The following FBXO27 variants were observed in gnomAD, a reference collection of about 807,000 sequenced individuals.
FBXO27 encodes the protein F-box only protein 27.
Under a neutral mutation model 28.3 loss-of-function variants are expected in FBXO27, and 28 were observed. That is an observed-to-expected ratio of 0.99 (90% CI 0.73 to 1.36). The LOEUF (loss-of-function observed/expected upper bound fraction) is 1.36. FBXO27 is among the 40% of genes most tolerant of loss of function. The pLI is 0.00. For synonymous variants in FBXO27, 175 were observed against 167.3 expected (o/e 1.05, Z -0.36); for missense variants, 388 against 394.1 (o/e 0.98, Z 0.13).
Position 39,026,914 on chromosome 19 carries a change from C to G in FBXO27, c.664G>C (p.Val222Leu). The change falls in exon 5 of 6, where the codon GTG becomes CTG. Residue 222 changes from valine (V) to leucine (L), a missense_variant. Transcript: ENST00000292853. ...NQTVLDKFSA[V>L]PDPIPQWNNN... ...TTCCACTGCGGGATGGGATCAGGCA[C>G]AGCAGAGAATTTATCTAGAACAGTC... 3 of 1,614,224 alleles carry G rather than the reference C, an allele frequency of 1.9e-6. No homozygotes were observed. Among genetic ancestry groups the G allele is most frequent in the Non-Finnish European group, 2.5e-6 (3 of 1,180,048 alleles).
chr19:39,011,720 C>T (rs1415070529), intron 2 of FBXO27, among the ~76,000 whole-genome samples: 3 of 151,082 alleles, frequency 2.0e-5, no homozygotes, highest in East Asian at 3.9e-4. Flanking sequence ...CCCTTTGTTG[C>T]CCCGGCTGGT....
intron 5 of FBXO27, among the ~76,000 whole-genome samples, chr19:39,026,026 A>G (rs1377560035): frequency 1.3e-5 from 2 of 152,092 alleles, no homozygotes; most frequent in African/African-American, 4.8e-5. Flanking sequence ...TCAAAAAAAA[A>G]AGAAGTAGAA....
At chr19:39,011,929 C>T (rs1010948270) in intron 2 of FBXO27, among the ~76,000 whole-genome samples, 8 of 149,936 alleles carry the variant, frequency 5.3e-5, no homozygotes, top group East Asian at 2.0e-4. Flanking sequence ...CCCGGGTTCA[C>T]GCCATTCTCC....
chr19:39,030,805 G>C (rs1482107812), intron 4 of FBXO27: 1 of 567,632 alleles, frequency 1.8e-6, no homozygotes, highest in Non-Finnish European at 3.1e-6. Flanking sequence ...ACGAGGTTTT[G>C]CCATGCTGGT....
intron 2 of FBXO27, among the ~76,000 whole-genome samples, chr19:39,013,624 C>T (rs369193845): frequency 1.1e-4 from 16 of 149,564 alleles, no homozygotes; most frequent in African/African-American, 3.2e-4. Flanking sequence ...AAGGAGACTC[C>T]GTCTAAAAAA....
Position 39,032,097 on chromosome 19 carries a change from C to G in FBXO27, c.131G>C (p.Arg44Pro). Residue 44 changes from arginine to proline, a missense_variant, in exon 2 of 6, where the codon CGC (arginine) becomes CCC (proline). Transcript: ENST00000292853. The surrounding 1 kb of genome is among the most constrained non-coding windows in gnomAD (Gnocchi z 4.7). ...LLVVLSHVPP[R>P]TLLGRCRQVC... Reference sequence around the variant, plus strand: ...TTGGCGGCAGCGCCCGAGCAGCGTGCGCGGGGGGACGTGGCTCAGCACCAC... The same window carrying G: ...TTGGCGGCAGCGCCCGAGCAGCGTGGGCGGGGGGACGTGGCTCAGCACCAC... 6.5e-7 allele frequency: 1 copy of G among 1,529,290 alleles called. No individual in the cohort carries two copies. The highest frequency in any genetic ancestry group is 8.7e-7 in the Non-Finnish European group (1 of 1,145,532). The allele number at this position is 1,529,290 out of a possible 1,614,324, so 94.7% of individuals were successfully genotyped here.
chr19:39,025,984 C>A (rs1330472397), intron 5 of FBXO27, among the ~76,000 whole-genome samples: 3 of 152,020 alleles, frequency 2.0e-5, no homozygotes, highest in Admixed American at 6.6e-5. Flanking sequence ...TGCTACTACA[C>A]TCCAGCCTGG....
intron 2 of FBXO27, among the ~76,000 whole-genome samples, chr19:39,008,570 C>T (rs1272891925): frequency 6.6e-6 from 1 of 152,060 alleles, no homozygotes; most frequent in African/African-American, 2.4e-5. Flanking sequence ...GTTTTCGGTA[C>T]ATTCACAATG....
intron 2 of FBXO27, among the ~76,000 whole-genome samples, chr19:39,005,866 GT>G (rs1975731794): frequency 6.6e-6 from 1 of 152,212 alleles, no homozygotes. Context: ...GATATTTACA[GT>G]GTTTTAAAGA....
chr19:39,012,380 C>A (rs1217622446), intron 2 of FBXO27, among the ~76,000 whole-genome samples: 1 of 151,046 alleles, frequency 6.6e-6, no homozygotes, highest in East Asian at 2.0e-4. Context: ...GATGGGGTTT[C>A]TCCATGTTGA....
downstream of FBXO27, among the ~76,000 whole-genome samples, chr19:39,020,539 C>A (rs1185672443): frequency 6.6e-6 from 1 of 152,014 alleles, no homozygotes; most frequent in East Asian, 1.9e-4. Flanking sequence ...GGACTGTCAA[C>A]ACTATGGAAG....
At chr19:39,017,363 T>C (rs1008421814) in intron 1 of FBXO27, among the ~76,000 whole-genome samples, 1 of 152,114 alleles carries the variant, frequency 6.6e-6, no homozygotes, top group African/African-American at 2.4e-5. Flanking sequence ...TCATAGTGTA[T>C]AGTGCAAGCA....
chr19:39,012,435 C>T (rs1188080014), intron 2 of FBXO27, among the ~76,000 whole-genome samples: 8 of 151,760 alleles, frequency 5.3e-5, no homozygotes, highest in African/African-American at 1.7e-4. Flanking sequence ...CCACCCACCT[C>T]GGCCTCCCAA....
At position 39,014,909 on chromosome 19, in the gene FBXO27, T is replaced by G. The variant is rs369446207; in HGVS notation, c.92-362A>C. Among the ~76,000 whole-genome samples, 134 of 150,544 alleles carry G rather than the reference T, an allele frequency of 8.9e-4. No homozygotes were observed. The East Asian group carries it at 0.025, about 28-fold the overall frequency. On this transcript the variant is annotated intron_variant, in intron 1 of 2. Transcript: ENST00000598394. The stretch of plus-strand genomic sequence containing the variant: ...GGTGTGTGCCTGTAATCCCAACTAC[T>G]TGGGAGGCTGAGGCAAGAGAATCAC...
downstream of FBXO27, among the ~76,000 whole-genome samples, chr19:39,021,003 C>T (rs1052510248): frequency 5.3e-5 from 8 of 152,068 alleles, no homozygotes; most frequent in Middle Eastern, 3.4e-3. Context: ...TACAGGCACC[C>T]GCCACCACGC....
At chr19:39,026,631 G>A (rs935502938) in intron 5 of FBXO27, among the ~76,000 whole-genome samples, 1 of 152,044 alleles carries the variant, frequency 6.6e-6, no homozygotes, top group Non-Finnish European at 1.5e-5. Context: ...GTGCCACCAC[G>A]CCCAGCTAAT....
chr19:39,020,755 C>CAAGAAAAAAAAAAAAA (rs2072841314), downstream of FBXO27, among the ~76,000 whole-genome samples: 1 of 105,282 alleles, frequency 9.5e-6, no homozygotes, highest in Non-Finnish European at 1.9e-5. Context: ...GTGGATATGG[C>CAAGAAAAAAAAAAAAA]AAAAAAAAAA....
rs1186748475 is a variant in FBXO27 at position 39,031,997 on chromosome 19, G to C, written c.231C>G (p.Ala77=). The C allele has an allele frequency of 6.6e-7, 1 of 1,518,136 alleles. No individual in the cohort carries two copies. Among genetic ancestry groups the C allele is most frequent in the Admixed American group, 2.2e-5 (1 of 45,334 alleles). The allele number at this position is 1,518,136 out of a possible 1,614,324, so 94.0% of individuals were successfully genotyped here. ...CGAGGTGCAGCAGCGCGCGGCCGGT[G>C]GCGCCGTGGTCGCGGGCCAGGATCA... ...WLLILARDHG[A]TGRALLHLAR... The change falls in exon 2 of 6, where the codon GCC becomes GCG. Residue 77 remains alanine, a synonymous_variant. Coordinates refer to ENST00000292853, the MANE Select transcript of FBXO27 (RefSeq NM_178820.5).
At chr19:39,007,927 T>C (rs868159847) in intron 2 of FBXO27, among the ~76,000 whole-genome samples, 5 of 151,976 alleles carry the variant, frequency 3.3e-5, no homozygotes, top group Middle Eastern at 3.4e-3. Context: ...GCTGGGATTA[T>C]AGGTGTGAGC....
Sources: gnomAD v4.1 joint callset for allele counts (sites outside exome capture counted in the v4.1 genomes callset) on GRCh38, gnomAD v4.1.1 for gene constraint, Gnocchi (gnomAD v3.1) non-coding constraint, MANE v1.5 for transcripts, NCBI Gene and HGNC (gene_info 2026-07-23, HGNC 2026-07-21) for gene names.